PLXNA1: variants seen among roughly 807,000 people sequenced by gnomAD.
PLXNA1 encodes the protein plexin A1, also known as plexin-A1.
Under a neutral mutation model 191.7 loss-of-function variants are expected in PLXNA1, and 77 were observed. The ratio of observed to expected loss-of-function variants is 0.40; its 90% CI spans 0.33 to 0.49. PLXNA1 has a LOEUF of 0.49. Among genes scored for constraint, PLXNA1 ranks in the 20% least tolerant of loss-of-function variants. The probability of loss-of-function intolerance (pLI) is 0.63; values close to 1 mark genes in which losing one functional copy is unlikely to be tolerated. For missense variants in PLXNA1, 2,110 were observed against 2,660.2 expected (o/e 0.79, Z 4.55); for synonymous variants, 1,137 against 1,156.4 (o/e 0.98, Z 0.34).
At chr3:126,992,629 G>A (rs530052441) in intron 3 of PLXNA1, among the ~76,000 whole-genome samples, 4 of 152,068 alleles carry the variant, frequency 2.6e-5, no homozygotes, top group African/African-American at 9.7e-5. Flanking sequence ...GCTCTGGGCT[G>A]GGGGCGGGGG....
chr3:127,023,652 G>A (rs576155101), intron 23 of PLXNA1, among the ~76,000 whole-genome samples: 4 of 152,230 alleles, frequency 2.6e-5, no homozygotes, highest in African/African-American at 4.8e-5. Context: ...TCTCTGGGCC[G>A]TGGGGCTTTC....
intron 14 of PLXNA1, 130 bp downstream of exon 14, chr3:127,014,961 T>C (rs2079115534): frequency 6.9e-6 from 10 of 1,440,320 alleles, no homozygotes; most frequent in East Asian, 2.4e-5. Flanking sequence ...GCCTGGGTGC[T>C]GCCCCTCCCC....
At position 127,014,027 on chromosome 3, in the gene PLXNA1, A is replaced by G; in HGVS notation, c.2321A>G (p.Tyr774Cys). ...SLQCQNSSYS[Y>C]EGNDVSDLPV... ...GGTGCCATCACCTAACAGTACTCCT[A>G]CGAGGGGAACGATGTCAGCGACCTG... The change falls in exon 11 of 32, where the codon TAC (tyrosine) becomes TGC (cysteine). Residue 774 changes from tyrosine to cysteine, a missense_variant. Transcript: ENST00000393409. 1 of 1,613,700 alleles carries G rather than the reference A, an allele frequency of 6.2e-7. No individual in the cohort carries two copies. Among genetic ancestry groups the G allele is most frequent in the South Asian group, 1.1e-5 (1 of 91,088 alleles).
chr3:127,032,015 G>A (rs78305307), intron 29 of PLXNA1: 14,593 of 231,556 alleles, frequency 0.063, 527 homozygotes, highest in African/African-American at 0.1. Flanking sequence ...CCCCTGGGCC[G>A]GAGCTGAGCT....
intron 23 of PLXNA1, chr3:127,027,401 C>A (rs2079181705): frequency 8.4e-6 from 3 of 357,624 alleles, no homozygotes; most frequent in South Asian, 6.4e-5. Flanking sequence ...CATGACACAC[C>A]ATAGTTGTGT....
chr3:127,031,438 G>A (rs934807038), intron 29 of PLXNA1, among the ~76,000 whole-genome samples: 1 of 152,150 alleles, frequency 6.6e-6, no homozygotes, highest in Admixed American at 6.5e-5. Flanking sequence ...TGTATGGCTG[G>A]ACCCTGCTTC....
chr3:127,025,905 A>T (rs1354076860), intron 23 of PLXNA1, among the ~76,000 whole-genome samples: 1 of 152,252 alleles, frequency 6.6e-6, no homozygotes, highest in Non-Finnish European at 1.5e-5. Flanking sequence ...AATCCTTTTC[A>T]TTCCTTGCTG....
At chr3:127,022,060 G>A in intron 21 of PLXNA1, 25 bp from the exon 22 acceptor site, 7 of 1,604,558 alleles carry the variant, frequency 4.4e-6, no homozygotes, top group Non-Finnish European at 5.1e-6. Context: ...CTTCTCTGTG[G>A]TCTGAGCTCT....
In PLXNA1 at chr3:127,022,121, G is replaced by C. The variant is rs766170133; in HGVS notation, c.4075G>C (p.Gly1359Arg). 3 of 1,613,146 alleles carry C rather than the reference G, an allele frequency of 1.9e-6. No individual in the cohort carries two copies. The highest frequency in any genetic ancestry group is 2.5e-6 in the Non-Finnish European group (3 of 1,179,984). Reference sequence around the variant, plus strand: ...TGTGGAGAAGTCGCTGACACTGTTCGGGCAGCTGCTGACCAAGAAGCACTT... The same window carrying C: ...TGTGGAGAAGTCGCTGACACTGTTCCGGCAGCTGCTGACCAAGAAGCACTT... ...ANVEKSLTLF[G>R]QLLTKKHFLL... is the part of the protein sequence containing the mutation. The change falls in exon 22 of 32, where the codon GGG becomes CGG. Residue 1359 changes from glycine (G) to arginine (R), a missense_variant. Gly to Arg is a moderately radical substitution (Grantham distance 125, BLOSUM62 -2). This residue lies in a region of PLXNA1 where 559 missense variants were observed against 911.5 expected (regional missense o/e 0.61). Transcript: ENST00000393409.
At chr3:126,993,325 A>G (rs957539493) in intron 3 of PLXNA1, among the ~76,000 whole-genome samples, 9 of 151,772 alleles carry the variant, frequency 5.9e-5, no homozygotes, top group East Asian at 1.9e-4. Context: ...CCTTCTCCCA[A>G]TTTTCCCCTT....
chr3:127,017,727 G>A, intron 18 of PLXNA1, 22 bp from the exon 19 acceptor site: 1 of 1,613,196 alleles, frequency 6.2e-7, no homozygotes, highest in Non-Finnish European at 8.5e-7. Context: ...CCTGGGCTCT[G>A]GCTCACCCCC....
chr3:127,013,496 A>T (rs1302963670), intron 10 of PLXNA1, among the ~76,000 whole-genome samples: 1 of 152,110 alleles, frequency 6.6e-6, no homozygotes, highest in Non-Finnish European at 1.5e-5. Context: ...GCTCCCGGGG[A>T]GGGGCAGTTC....
rs1382723311 is a variant in PLXNA1 at position 127,032,536 on chromosome 3, A to T, written c.5381A>T (p.Asp1794Val). The T allele has an allele frequency of 2.5e-6, 4 of 1,613,594 alleles. No individual in the cohort carries two copies. The highest frequency in any genetic ancestry group is 3.4e-6 in the Non-Finnish European group (4 of 1,179,954). ...CSTSEHKLGKDSPSNKLLYAK... is the reference protein window; with the variant it reads ...CSTSEHKLGKVSPSNKLLYAK... ...ACCTCTGAGCACAAGCTGGGCAAGG[A>T]CTCACCCTCCAACAAGCTGCTCTAC... Residue 1794 changes from aspartate to valine, a missense_variant, in exon 30 of 32, where the codon GAC (aspartate) becomes GTC (valine). Coordinates refer to ENST00000393409, the MANE Select transcript of PLXNA1 (RefSeq NM_032242.4).
At chr3:127,031,610 G>A (rs1337507552) in intron 29 of PLXNA1, among the ~76,000 whole-genome samples, 2 of 152,196 alleles carry the variant, frequency 1.3e-5, no homozygotes, top group African/African-American at 2.4e-5. Context: ...TCCATCCCAT[G>A]TGTTGCTTCC....
intron 3 of PLXNA1, among the ~76,000 whole-genome samples, chr3:126,993,361 G>A (rs1012257082): frequency 3.9e-5 from 6 of 152,136 alleles, no homozygotes; most frequent in African/African-American, 1.2e-4. Context: ...AAGGAGGACC[G>A]TTCTCAGGGA....
chr3:126,999,008 G>C (rs1424532870), intron 3 of PLXNA1, among the ~76,000 whole-genome samples: 1 of 152,212 alleles, frequency 6.6e-6, no homozygotes, highest in Admixed American at 6.5e-5. Context: ...TCTGAGAGTG[G>C]TGGGGACCCA....
In PLXNA1 at chr3:126,991,467, G is replaced by A. The variant is rs745501034; in HGVS notation, c.1278G>A (p.Leu426=). The change falls in exon 3 of 32, where the codon CTG becomes CTA. Residue 426 remains leucine (L), a synonymous_variant. Coordinates refer to ENST00000393409, the MANE Select transcript of PLXNA1 (RefSeq NM_032242.4). ...GGTVTIEGTP[L]FVDKDDGLTA... Reference sequence around the variant, plus strand: ...CAGTCACCATTGAGGGGACGCCCCTGTTCGTGGACAAGGATGATGGCCTGA... The same window carrying A: ...CAGTCACCATTGAGGGGACGCCCCTATTCGTGGACAAGGATGATGGCCTGA... The A allele has an allele frequency of 1.3e-5, 21 of 1,612,728 alleles. No homozygotes were observed. Among genetic ancestry groups the A allele is most frequent in the Non-Finnish European group, 1.7e-5 (20 of 1,179,870 alleles).
intron 2 of PLXNA1, among the ~76,000 whole-genome samples, chr3:126,990,443 T>C (rs1206622195): frequency 6.6e-6 from 1 of 152,200 alleles, no homozygotes; most frequent in African/African-American, 2.4e-5. Flanking sequence ...GGGGCCTCTA[T>C]CTCGCTGCCT....
In PLXNA1 at chr3:126,989,379, G is replaced by A. The variant is rs781531297; in HGVS notation, c.786G>A (p.Gln262=). The A allele has an allele frequency of 1.5e-5, 24 of 1,613,496 alleles. No individual in the cohort carries two copies. The African/African-American group carries it at 2.4e-4, about 16-fold the overall frequency. Residue 262 remains glutamine, a synonymous_variant, in exon 2 of 32, where the codon CAG becomes CAA. Transcript: ENST00000393409. ...AGTTTGTCTACTACCTCACGCTGCA[G>A]CTAGACACACAGCTGACCTCGCCTG... is the stretch of plus-strand genomic sequence containing the variant. ...SEQFVYYLTL[Q]LDTQLTSPDA... is the part of the protein sequence containing the mutation.
Sources: gnomAD v4.1 joint callset for allele counts (sites outside exome capture counted in the v4.1 genomes callset) on GRCh38, gnomAD v4.1.1 for gene constraint, gnomAD v4.1.1 regional missense constraint, MANE v1.5 for transcripts, NCBI Gene and HGNC (gene_info 2026-07-23, HGNC 2026-07-21) for gene names.